Variants in ARHGAP32 observed in about 807,000 individuals in gnomAD.
The protein encoded by ARHGAP32 is Rho GTPase activating protein 32.
Under a neutral mutation model 186.5 loss-of-function variants are expected in ARHGAP32, and 51 were observed. The observed-to-expected ratio is 0.27, with a 90% CI of 0.22 to 0.35. ARHGAP32 has a LOEUF of 0.35. Among genes scored for constraint, ARHGAP32 ranks in the 10% least tolerant of loss-of-function variants. ARHGAP32 has a pLI of 1.00. For synonymous variants in ARHGAP32, 950 were observed against 964.3 expected, an observed-to-expected ratio of 0.99 and a Z score of 0.27; for missense variants, 2,186 against 2,623.5, an observed-to-expected ratio of 0.83 and a Z score of 3.64.
intron 1 of ARHGAP32, among the ~76,000 whole-genome samples, chr11:129,260,529 GAA>G (rs1272270020): frequency 1.3e-5 from 2 of 151,876 alleles, no homozygotes; most frequent in Non-Finnish European, 2.9e-5. Context: ...TTTTCAAATA[GAA>G]AAAAGTCTTA....
chr11:129,276,710 ATACTT>A (rs1375602652), intron 1 of ARHGAP32, among the ~76,000 whole-genome samples: 1 of 152,242 alleles, frequency 6.6e-6, no homozygotes, highest in Non-Finnish European at 1.5e-5. Flanking sequence ...CGTAATGACA[ATACTT>A]TACATATTTA....
chr11:129,277,671 T>G (rs1173949061), intron 1 of ARHGAP32, among the ~76,000 whole-genome samples: 5 of 152,186 alleles, frequency 3.3e-5, no homozygotes, highest in Non-Finnish European at 5.9e-5. Flanking sequence ...AATTCCAACC[T>G]GACATTTCCA....
chr11:129,083,254 A>C (rs760845994), intron 6 of ARHGAP32, among the ~76,000 whole-genome samples: 9 of 152,204 alleles, frequency 5.9e-5, no homozygotes, highest in Admixed American at 2.0e-4. Context: ...AGAAGAAAGT[A>C]AGTCATTATA....
chr11:128,986,722 G>T (rs747675783), intron 13 of ARHGAP32, 54 bp from the exon 14 acceptor site: 133 of 1,570,926 alleles, frequency 8.5e-5, no homozygotes, highest in Non-Finnish European at 1.1e-4. Context: ...GAGCAAATAT[G>T]TGTCTTAAAA....
At chr11:129,167,000 T>C (rs955169714) in intron 1 of ARHGAP32, among the ~76,000 whole-genome samples, 2 of 152,092 alleles carry the variant, frequency 1.3e-5, no homozygotes. Context: ...GTCAAATATA[T>C]GTTGCAGTCT....
intron 1 of ARHGAP32, among the ~76,000 whole-genome samples, chr11:129,278,606 C>T (rs1041367210): frequency 1.3e-5 from 2 of 152,166 alleles, no homozygotes; most frequent in African/African-American, 4.8e-5. Flanking sequence ...GCACCACCGT[C>T]GTCCAACATG....
chr11:129,223,522 A>G (rs1004748020), intron 1 of ARHGAP32, among the ~76,000 whole-genome samples: 29 of 152,292 alleles, frequency 1.9e-4, no homozygotes, highest in African/African-American at 6.7e-4. Flanking sequence ...GAAAACAGAA[A>G]GTTAGTGTAT....
chr11:129,101,355 A>G (rs1941893427), intron 5 of ARHGAP32, among the ~76,000 whole-genome samples: 1 of 152,202 alleles, frequency 6.6e-6, no homozygotes, highest in African/African-American at 2.4e-5. Context: ...AGGGTCCTGA[A>G]CTGGCCTGAA....
In ARHGAP32 at chr11:129,185,527, AC is replaced by A. The variant is rs775697505; in HGVS notation, c.116+6555del. On this transcript the variant is annotated intron_variant, in intron 1 of 22. Transcript: ENST00000682385. ...AATGACGAGTTACTGGGTGTAGCAC[AC>A]CAACATGGCACATGTATACATATGT... Among the ~76,000 whole-genome samples the A allele has an allele frequency of 4.6e-5, 7 of 152,314 alleles. No individual in the cohort carries two copies. In the East Asian group the frequency reaches 1.3e-3, roughly 29 times the overall value.
At chr11:129,225,111 G>GA (rs1228473941) in intron 1 of ARHGAP32, among the ~76,000 whole-genome samples, 1 of 151,856 alleles carries the variant, frequency 6.6e-6, no homozygotes, top group Non-Finnish European at 1.5e-5. Flanking sequence ...GTTTTGCAAA[G>GA]AAAAAAAGTA....
At chr11:129,216,408 G>A (rs1591701728) in intron 1 of ARHGAP32, among the ~76,000 whole-genome samples, 2 of 151,874 alleles carry the variant, frequency 1.3e-5, no homozygotes, top group African/African-American at 2.4e-5. Flanking sequence ...AAGGCCGGTG[G>A]CAGTGGCTCA....
chr11:129,207,369 TTCCTATTTCTCCACA>T (rs1161084445), intron 1 of ARHGAP32, among the ~76,000 whole-genome samples: 2 of 152,194 alleles, frequency 1.3e-5, no homozygotes, highest in Non-Finnish European at 2.9e-5. Flanking sequence ...TGTAAAAACG[TTCCTATTTCTCCACA>T]TCCTCTCCAG....
intron 1 of ARHGAP32, among the ~76,000 whole-genome samples, chr11:129,188,600 C>T (rs529525203): frequency 5.3e-5 from 8 of 152,244 alleles, no homozygotes; most frequent in African/African-American, 1.9e-4. Flanking sequence ...GGGTTGGGAA[C>T]CCCTGAGGTA....
intron 1 of ARHGAP32, among the ~76,000 whole-genome samples, chr11:129,181,607 C>T (rs1195473826): frequency 6.6e-6 from 1 of 152,228 alleles, no homozygotes; most frequent in East Asian, 1.9e-4. Flanking sequence ...TAATCACTTA[C>T]ATAAATCTAA....
chr11:129,013,249 T>C (rs1246624976), intron 11 of ARHGAP32, among the ~76,000 whole-genome samples: 2 of 152,230 alleles, frequency 1.3e-5, no homozygotes, highest in East Asian at 1.9e-4. Flanking sequence ...TGTGCTGACA[T>C]ACGTGCAGCT....
chr11:129,081,731 G>A (rs1941226074), intron 6 of ARHGAP32, among the ~76,000 whole-genome samples: 1 of 151,354 alleles, frequency 6.6e-6, no homozygotes, highest in South Asian at 2.1e-4. Flanking sequence ...ATTCAACATA[G>A]TACTGGAAGT....
chr11:129,047,129 CA>C (rs370486338), intron 10 of ARHGAP32, among the ~76,000 whole-genome samples: 192 of 127,178 alleles, frequency 1.5e-3, no homozygotes, highest in Middle Eastern at 8.0e-3. Flanking sequence ...GACTCCGTCT[CA>C]AAAAAAAAAA....
chr11:129,093,682 T>C lies in ARHGAP32; in HGVS notation c.470A>G (p.Glu157Gly). Reference sequence around the variant, plus strand: ...AGATTCACAGCCATTTTTCATTACTTCATTCTGTTCTTCTGAAAGTGAAAG... The same window carrying C: ...AGATTCACAGCCATTTTTCATTACTCCATTCTGTTCTTCTGAAAGTGAAAG... ...IQLSLSEEQN[E>G]VMKNGCESKE... Residue 157 changes from glutamate to glycine, a missense_variant, in exon 6 of 23, where the codon GAA (glutamate) becomes GGA (glycine). Coordinates refer to ENST00000682385, the MANE Select transcript of ARHGAP32 (RefSeq NM_001378024.1). 1.9e-6 allele frequency: 3 copies of C among 1,599,952 alleles called. No individual in the cohort carries two copies. The highest frequency in any genetic ancestry group is 2.6e-6 in the Non-Finnish European group (3 of 1,172,448).
chr11:129,228,648 G>A (rs1302373344), intron 1 of ARHGAP32, among the ~76,000 whole-genome samples: 1 of 152,118 alleles, frequency 6.6e-6, no homozygotes, highest in Non-Finnish European at 1.5e-5. Flanking sequence ...TTAAGTGGGA[G>A]CTGAATGATG....
Sources: allele counts gnomAD v4.1 joint callset (sites outside exome capture counted in the v4.1 genomes callset), GRCh38; gene constraint gnomAD v4.1.1; transcripts MANE v1.5; gene names NCBI Gene and HGNC (gene_info 2026-07-23, HGNC 2026-07-21).